GLRB: variants seen among roughly 807,000 people sequenced by gnomAD.
GLRB encodes glycine receptor subunit beta.
GLRB carries 33 observed loss-of-function variants against 54.2 expected under a neutral mutation model. The ratio of observed to expected loss-of-function variants is 0.61; its 90% CI spans 0.46 to 0.81. The LOEUF (loss-of-function observed/expected upper bound fraction) is 0.81, where lower values mean the gene tolerates loss of function less well. Ranked by LOEUF, GLRB falls within the 40% of genes least tolerant of loss-of-function variation. The pLI is 0.00. For missense variants in GLRB, 572 were observed against 584.6 expected (o/e 0.98, Z 0.22); for synonymous variants, 209 against 208.2 (o/e 1.00, Z -0.03).
rs1286841117 is a variant in GLRB at position 157,153,025 on chromosome 4, A to G, written c.1197+15A>G. ...GCACTTTGCAGGTAAGGATAAAATT[A>G]TGCCATGAAATCATTTCCCCCAACC... On this transcript the variant is annotated intron_variant, in intron 9 of 9. Coordinates refer to ENST00000264428, the MANE Select transcript of GLRB (RefSeq NM_000824.5). 5.4e-5 allele frequency: 87 copies of G among 1,600,926 alleles called. No homozygotes were observed. The highest frequency in any genetic ancestry group is 6.8e-5 in the Non-Finnish European group (79 of 1,168,274).
intron 6 of GLRB, 119 bp downstream of exon 6, chr4:157,137,005 A>G: frequency 1.5e-6 from 1 of 669,470 alleles, no homozygotes; most frequent in South Asian, 1.7e-5. Flanking sequence ...ATAAATAGTC[A>G]TTAAAATAAT....
intron 8 of GLRB, 75 bp from the exon 9 acceptor site, chr4:157,152,643 T>C (rs1737064823): frequency 8.8e-7 from 1 of 1,142,132 alleles, no homozygotes; most frequent in Non-Finnish European, 1.3e-6. Context: ...GAGACGGATT[T>C]AGTCAAAGAG....
Position 157,153,028 on chromosome 4 carries a change from C to T in GLRB, c.1197+18C>T, listed in dbSNP as rs1229524411. 6.3e-7 allele frequency: 1 copy of T among 1,597,326 alleles called. No individual in the cohort carries two copies. The highest frequency in any genetic ancestry group is 1.7e-5 in the Admixed American group (1 of 59,956). ...CTTTGCAGGTAAGGATAAAATTATG[C>T]CATGAAATCATTTCCCCCAACCACT... is the stretch of plus-strand genomic sequence containing the variant. On this transcript the variant is annotated intron_variant, in intron 9 of 9. Transcript: ENST00000264428.
chr4:157,083,951 G>T (rs1734316763), intron 2 of GLRB, among the ~76,000 whole-genome samples: 1 of 151,944 alleles, frequency 6.6e-6, no homozygotes, highest in East Asian at 1.9e-4. Context: ...AAATGAACAG[G>T]ATAACAAATA....
chr4:157,127,247 T>G (rs894598823), intron 4 of GLRB, among the ~76,000 whole-genome samples: 7 of 151,852 alleles, frequency 4.6e-5, no homozygotes, highest in African/African-American at 1.7e-4. Context: ...GCATGTACTA[T>G]AGAATAATAG....
At chr4:157,132,977 AC>A (rs1736270900) in intron 4 of GLRB, among the ~76,000 whole-genome samples, 1 of 151,746 alleles carries the variant, frequency 6.6e-6, no homozygotes, top group Non-Finnish European at 1.5e-5. Flanking sequence ...TATGGCTAGC[AC>A]CTAATGTAGT....
chr4:157,160,029 C>A (rs1737410754), intron 9 of GLRB, among the ~76,000 whole-genome samples: 1 of 152,150 alleles, frequency 6.6e-6, no homozygotes, highest in Non-Finnish European at 1.5e-5. Context: ...TTGATCTATT[C>A]AGGGATTCAA....
At chr4:157,125,626 G>A (rs1440801977) in intron 4 of GLRB, among the ~76,000 whole-genome samples, 2 of 151,638 alleles carry the variant, frequency 1.3e-5, no homozygotes, top group Non-Finnish European at 2.9e-5. Flanking sequence ...TCCCCTACAA[G>A]GATGTACAAA....
At chr4:157,093,245 C>G (rs1031177392) in intron 2 of GLRB, among the ~76,000 whole-genome samples, 15 of 152,276 alleles carry the variant, frequency 9.9e-5, no homozygotes, top group African/African-American at 3.6e-4. Context: ...GTTCCACCAC[C>G]TAAAAACTAG....
chr4:157,118,907 T>C (rs1477107503), intron 2 of GLRB, among the ~76,000 whole-genome samples: 1 of 151,614 alleles, frequency 6.6e-6, no homozygotes, highest in Non-Finnish European at 1.5e-5. Context: ...AGTTTTGCTC[T>C]TCCTTGTGAT....
intron 2 of GLRB, among the ~76,000 whole-genome samples, chr4:157,082,964 T>TTATA (rs58330518): frequency 0.032 from 4,513 of 139,566 alleles, 156 homozygotes; most frequent in African/African-American, 0.093. Flanking sequence ...GAATAGTGTT[T>TTATA]TATATATATA....
intron 7 of GLRB, among the ~76,000 whole-genome samples, chr4:157,141,270 AG>A (rs1736599470): frequency 6.6e-6 from 1 of 151,958 alleles, no homozygotes; most frequent in African/African-American, 2.4e-5. Context: ...AGTATGTTTC[AG>A]GGACTTGATC....
intron 6 of GLRB, 106 bp from the exon 7 acceptor site, chr4:157,138,703 G>T (rs1042567842): frequency 4.6e-6 from 3 of 657,452 alleles, no homozygotes; most frequent in African/African-American, 1.8e-5. Flanking sequence ...ATATAAGAAG[G>T]TCTTATTTTC....
chr4:157,099,340 C>CT (rs200495679), intron 2 of GLRB, among the ~76,000 whole-genome samples: 533 of 141,676 alleles, frequency 3.8e-3, no homozygotes, highest in Middle Eastern at 7.6e-3. Flanking sequence ...GTGTTATTAA[C>CT]TTTTTTTTTT....
At chr4:157,154,504 C>T (rs372187346) in intron 9 of GLRB, among the ~76,000 whole-genome samples, 55 of 149,148 alleles carry the variant, frequency 3.7e-4, no homozygotes, top group East Asian at 7.9e-4. Context: ...CTCGGCTCAC[C>T]GCAACATCTG....
chr4:157,154,922 C>T (rs1737169047), intron 9 of GLRB, among the ~76,000 whole-genome samples: 1 of 152,162 alleles, frequency 6.6e-6, no homozygotes, highest in Admixed American at 6.5e-5. Flanking sequence ...AATGTTACCT[C>T]TCTTTCATCC....
chr4:157,087,229 T>C (rs1734443842), intron 2 of GLRB, among the ~76,000 whole-genome samples: 1 of 152,124 alleles, frequency 6.6e-6, no homozygotes, highest in Admixed American at 6.5e-5. Flanking sequence ...AGATAAAACA[T>C]ATATTGTTTA....
chr4:157,149,762 C>A (rs1736949682), intron 8 of GLRB, among the ~76,000 whole-genome samples: 1 of 152,034 alleles, frequency 6.6e-6, no homozygotes, highest in Non-Finnish European at 1.5e-5. Flanking sequence ...TGCTCCTTGA[C>A]CTGCTCTGTT....
chr4:157,132,950 T>C (rs1470050007), intron 4 of GLRB, among the ~76,000 whole-genome samples: 2 of 151,914 alleles, frequency 1.3e-5, no homozygotes, highest in East Asian at 1.9e-4. Context: ...TCTAGTACCA[T>C]TTTGTGTTGA....
Sources: allele counts gnomAD v4.1 joint callset (sites outside exome capture counted in the v4.1 genomes callset), GRCh38; gene constraint gnomAD v4.1.1; transcripts MANE v1.5; gene names NCBI Gene and HGNC (gene_info 2026-07-23, HGNC 2026-07-21).